Variants in FIBCD1 observed in about 807,000 individuals in gnomAD.
FIBCD1 encodes fibrinogen C domain-containing protein 1.
FIBCD1 carries 47 observed loss-of-function variants against 45.1 expected under a neutral mutation model. The observed-to-expected ratio is 1.04, with a 90% confidence interval of 0.82 to 1.33. FIBCD1 has a LOEUF of 1.33. FIBCD1 is among the 40% of genes most tolerant of loss of function. FIBCD1 has a pLI of 0.00. For missense variants in FIBCD1, 653 were observed against 682.2 expected (o/e 0.96, Z 0.48); for synonymous variants, 313 against 308.1 (o/e 1.02, Z -0.17).
chr9:130,930,716 G>C (rs1832436446), intron 1 of FIBCD1: 3 of 454,972 alleles, frequency 6.6e-6, no homozygotes, highest in South Asian at 3.1e-5. Flanking sequence ...AGACGGGACA[G>C]GGCTCAGGCC....
intron 1 of FIBCD1, among the ~76,000 whole-genome samples, chr9:130,931,258 C>G (rs765148969): frequency 6.6e-6 from 1 of 152,226 alleles, no homozygotes; most frequent in Non-Finnish European, 1.5e-5. Context: ...CGCCTGTAAG[C>G]CCAGCACTTG....
At chr9:130,911,261 C>T (rs757384535) in intron 5 of FIBCD1, among the ~76,000 whole-genome samples, 6 of 152,204 alleles carry the variant, frequency 3.9e-5, no homozygotes, top group Non-Finnish European at 5.9e-5. Context: ...AAAAAAACTC[C>T]AGGCGCGCTA....
chr9:130,910,529 G>A (rs1282224345), intron 5 of FIBCD1, among the ~76,000 whole-genome samples: 1 of 152,270 alleles, frequency 6.6e-6, no homozygotes, highest in African/African-American at 2.4e-5. Flanking sequence ...GGGACTGGCA[G>A]GCAGCTCCAC....
intron 4 of FIBCD1, among the ~76,000 whole-genome samples, chr9:130,919,757 T>C (rs1390362377): frequency 6.6e-6 from 1 of 152,084 alleles, no homozygotes; most frequent in Non-Finnish European, 1.5e-5. Flanking sequence ...GGCACCGTGG[T>C]GTTGGGGGAC....
rs560935271 is a variant in FIBCD1, at chr9:130,930,101, G to C, written c.73-55C>G. Reference sequence around the variant, plus strand: ...AGACAGACAGACGGGAGAGAGAAGGGGCCAGCATTAGAGGCATACCTGGGG... The same window carrying C: ...AGACAGACAGACGGGAGAGAGAAGGCGCCAGCATTAGAGGCATACCTGGGG... On this transcript the variant is annotated intron_variant, in intron 1 of 6. Coordinates refer to ENST00000372338, the MANE Select transcript of FIBCD1 (RefSeq NM_032843.5). 39 of 1,471,186 alleles carry C rather than the reference G, an allele frequency of 2.7e-5. No individual in the cohort carries two copies. The African/African-American group carries it at 5.5e-4, about 21-fold the overall frequency. The allele number at this position is 1,471,186 out of a possible 1,614,324, so 91.1% of individuals were successfully genotyped here.
rs1332800253 is a variant in FIBCD1 at position 130,904,187 on chromosome 9, C to A, written c.1263G>T (p.Gly421=). Residue 421 remains glycine, a synonymous_variant, in exon 7 of 7, where the codon GGG becomes GGT. Coordinates refer to ENST00000372338, the MANE Select transcript of FIBCD1 (RefSeq NM_032843.5). The part of the protein sequence containing the change: ...YRNCHTSNLN[G]QYLRGAHASY... Reference sequence around the variant, plus strand: ...AGGCGTGCGCACCGCGCAGGTACTGCCCATTGAGGTTGGACGTGTGGCAGT... The same window carrying A: ...AGGCGTGCGCACCGCGCAGGTACTGACCATTGAGGTTGGACGTGTGGCAGT... 1.9e-6 allele frequency: 3 copies of A among 1,613,750 alleles called. No individual in the cohort carries two copies. The East Asian group carries it at 6.7e-5, about 36-fold the overall frequency.
intron 6 of FIBCD1, among the ~76,000 whole-genome samples, chr9:130,904,525 C>T (rs575939859): frequency 6.6e-5 from 10 of 152,332 alleles, no homozygotes; most frequent in East Asian, 1.9e-4. Context: ...GCAGCTCACA[C>T]GCACGCAGTC....
Position 130,918,871 on chromosome 9 carries a change from G to A in FIBCD1, c.849+4873C>T, listed in dbSNP as rs184724590. ...AGTCTGTTTCTCTCTGCATAAGCCC[G>A]CGCAGGGCCGGTGGGGAAGAGGCAA... On this transcript the variant is annotated intron_variant, in intron 4 of 6. Coordinates refer to ENST00000372338, the MANE Select transcript of FIBCD1 (RefSeq NM_032843.5). Among the ~76,000 whole-genome samples the A allele has an allele frequency of 3.3e-5, 5 of 152,336 alleles. No individual in the cohort carries two copies. In the East Asian group the frequency reaches 7.7e-4, roughly 24 times the overall value.
chr9:130,914,736 T>C (rs533206423), intron 4 of FIBCD1, among the ~76,000 whole-genome samples: 130 of 152,168 alleles, frequency 8.5e-4, no homozygotes, highest in Non-Finnish European at 1.4e-3. Context: ...CTCCCACCAC[T>C]GGGACGCCTG....
chr9:130,917,560 C>G (rs763757040), intron 4 of FIBCD1, among the ~76,000 whole-genome samples: 15 of 152,224 alleles, frequency 9.9e-5, no homozygotes, highest in Non-Finnish European at 1.5e-4. Flanking sequence ...GGAGATGCCT[C>G]TGGGCCGCTG....
intron 1 of FIBCD1, among the ~76,000 whole-genome samples, chr9:130,937,028 CAGAAA>C (rs1030523900): frequency 4.0e-5 from 6 of 151,872 alleles, no homozygotes; most frequent in African/African-American, 1.5e-4. Context: ...CAAGATGACA[CAGAAA>C]AGATCTGGAA....
intron 1 of FIBCD1, among the ~76,000 whole-genome samples, chr9:130,934,803 C>T (rs778285966): frequency 6.6e-6 from 1 of 152,214 alleles, no homozygotes; most frequent in Non-Finnish European, 1.5e-5. Context: ...CCTCCCTCAC[C>T]CAACATCTGG....
intron 1 of FIBCD1, chr9:130,937,904 A>C (rs570762451): frequency 3.3e-5 from 5 of 152,740 alleles, no homozygotes; most frequent in East Asian, 3.9e-4. Context: ...CCTGGAGCAC[A>C]CAGACAAGGG....
chr9:130,920,439 A>G (rs1832242986), intron 4 of FIBCD1, among the ~76,000 whole-genome samples: 1 of 152,060 alleles, frequency 6.6e-6, no homozygotes, highest in African/African-American at 2.4e-5. Context: ...TATGGTACCC[A>G]TTTTACAGAT....
Position 130,905,245 on chromosome 9 carries a change from G to A in FIBCD1, c.1115C>T (p.Ser372Phe), listed in dbSNP as rs1372755701. The change falls in exon 6 of 7, where the codon TCC becomes TTC. Residue 372 changes from serine (S) to phenylalanine (F), a missense_variant. By Grantham distance (155) the Ser-to-Phe change is radical. Transcript: ENST00000372338. ...AGCTGGAGCCTCACCTGCAGTGCCGGAATAGTCAGCCACGGTGAGCGGGTA... is the reference window on the plus strand; with the variant it reads ...AGCTGGAGCCTCACCTGCAGTGCCGAAATAGTCAGCCACGGTGAGCGGGTA... ...DGYPLTVADY[S>F]GTAGDSLLKH... is the part of the protein sequence containing the mutation. 1.2e-6 allele frequency: 2 copies of A among 1,613,382 alleles called. No individual in the cohort carries two copies. Among genetic ancestry groups the A allele is most frequent in the Admixed American group, 1.7e-5 (1 of 59,982 alleles).
At chr9:130,931,080 G>A (rs988252576) in intron 1 of FIBCD1, among the ~76,000 whole-genome samples, 2 of 152,086 alleles carry the variant, frequency 1.3e-5, no homozygotes, top group Non-Finnish European at 2.9e-5. Flanking sequence ...CACAGAGCAG[G>A]CCCCTGGCAG....
intron 2 of FIBCD1, among the ~76,000 whole-genome samples, chr9:130,928,579 C>G (rs1588112198): frequency 6.6e-6 from 1 of 152,180 alleles, no homozygotes; most frequent in Non-Finnish European, 1.5e-5. Flanking sequence ...CTGCTGCCTT[C>G]AAAGGGAGGG....
intron 2 of FIBCD1, among the ~76,000 whole-genome samples, chr9:130,927,728 G>A (rs1316160836): frequency 1.3e-5 from 2 of 152,226 alleles, no homozygotes; most frequent in African/African-American, 2.4e-5. Flanking sequence ...GAGTGCAGTG[G>A]CGTGATCTCG....
chr9:130,911,746 A>G, intron 5 of FIBCD1, 46 bp downstream of exon 5: 7 of 1,532,780 alleles, frequency 4.6e-6, no homozygotes, highest in Non-Finnish European at 6.2e-6. Context: ...TCCGGAAGGC[A>G]GGGGGAGGAG....
Sources: gnomAD v4.1 joint callset for allele counts (sites outside exome capture counted in the v4.1 genomes callset) on GRCh38, gnomAD v4.1.1 for gene constraint, MANE v1.5 for transcripts, NCBI Gene and HGNC (gene_info 2026-07-23, HGNC 2026-07-21) for gene names.